Variants in COL19A1 observed in about 807,000 individuals in gnomAD.
COL19A1 encodes collagen alpha-1(XIX) chain.
A neutral mutation model predicts 190.2 loss-of-function variants in COL19A1; 159 were observed. The ratio of observed to expected loss-of-function variants is 0.84; its 90% CI spans 0.73 to 0.95. COL19A1 has a LOEUF of 0.95. Among genes scored for constraint, COL19A1 ranks in the 40% least tolerant of loss-of-function variants. COL19A1 has a pLI of 0.00. For missense variants in COL19A1, 1,418 were observed against 1,431.9 expected, an observed-to-expected ratio of 0.99 and a Z score of 0.16; for synonymous variants, 509 against 458.9, an observed-to-expected ratio of 1.11 and a Z score of -1.39.
intron 16 of COL19A1, among the ~76,000 whole-genome samples, chr6:70,108,981 T>G (rs940819245): frequency 6.6e-6 from 1 of 152,160 alleles, no homozygotes; most frequent in African/African-American, 2.4e-5. Context: ...TTATGGCCTA[T>G]CTACTATGTG....
chr6:69,929,346 C>T (rs2039484620), intron 5 of COL19A1, 79 bp from the exon 6 acceptor site: 3 of 1,401,486 alleles, frequency 2.1e-6, no homozygotes, highest in Admixed American at 2.1e-5. Flanking sequence ...TAATATGCAT[C>T]TTGAGCTTTT....
At chr6:70,176,260 A>G (rs551713067) in intron 41 of COL19A1, among the ~76,000 whole-genome samples, 1 of 152,176 alleles carries the variant, frequency 6.6e-6, no homozygotes, top group Non-Finnish European at 1.5e-5. Flanking sequence ...CACAGAAATG[A>G]TTATGCTTGC....
At chr6:69,944,620 C>T (rs1178578408) in intron 9 of COL19A1, among the ~76,000 whole-genome samples, 1 of 152,046 alleles carries the variant, frequency 6.6e-6, no homozygotes, top group Non-Finnish European at 1.5e-5. Context: ...GGTAATGAAG[C>T]ATCAAAAATA....
chr6:69,934,711 G>GA (rs1215191739), intron 7 of COL19A1, among the ~76,000 whole-genome samples: 6 of 151,728 alleles, frequency 4.0e-5, no homozygotes, highest in Non-Finnish European at 7.4e-5. Context: ...TCTGACTATG[G>GA]AAAAAATAAG....
chr6:70,160,100 G>A (rs191898320), intron 34 of COL19A1, among the ~76,000 whole-genome samples: 234 of 152,188 alleles, frequency 1.5e-3, no homozygotes, highest in African/African-American at 5.4e-3. Flanking sequence ...AACTCTATTA[G>A]TCCATTTTCA....
chr6:69,963,121 G>A (rs1256027845), intron 11 of COL19A1, among the ~76,000 whole-genome samples: 1 of 152,066 alleles, frequency 6.6e-6, no homozygotes, highest in Non-Finnish European at 1.5e-5. Context: ...ACATGGAAAT[G>A]ATTTAAACAT....
At chr6:70,051,660 A>C (rs140944209) in intron 14 of COL19A1, among the ~76,000 whole-genome samples, 49 of 152,222 alleles carry the variant, frequency 3.2e-4, no homozygotes, top group Non-Finnish European at 6.3e-4. Flanking sequence ...CCCAGAACAA[A>C]AGGGTGGTTA....
intron 11 of COL19A1, among the ~76,000 whole-genome samples, chr6:69,980,108 A>T (rs1344617016): frequency 2.0e-5 from 3 of 152,022 alleles, no homozygotes; most frequent in Non-Finnish European, 4.4e-5. Flanking sequence ...AATAGTCAAA[A>T]ATTTTTTGAG....
intron 18 of COL19A1, among the ~76,000 whole-genome samples, chr6:70,135,715 A>C (rs1052719096): frequency 5.3e-5 from 8 of 152,150 alleles, no homozygotes; most frequent in Non-Finnish European, 1.0e-4. Flanking sequence ...GGCAAGTTTT[A>C]AGGGATCAGA....
intron 2 of COL19A1, among the ~76,000 whole-genome samples, chr6:69,895,279 G>A (rs934724635): frequency 3.9e-5 from 6 of 152,186 alleles, no homozygotes; most frequent in African/African-American, 7.2e-5. Flanking sequence ...GGGTGGTGGG[G>A]TGGTTTCCCA....
Position 70,168,031 on chromosome 6 carries a change from C to G in COL19A1, c.2452C>G (p.Pro818Ala). The G allele has an allele frequency of 6.3e-7, 1 of 1,591,988 alleles. No individual in the cohort carries two copies. Residue 818 changes from proline to alanine, a missense_variant, in exon 38 of 51, where the codon CCA becomes GCA. Pro to Ala is a conservative substitution (Grantham distance 27, BLOSUM62 -1). Transcript: ENST00000620364. ...ATCTCACCTCTTTCCTAAGGGTATT[C>G]CATTTAATGAACGAAACGGCATGAG... ...KPGPPGPPGI[P>A]FNERNGMSSL...
At chr6:70,111,238 T>G (rs574707335) in intron 16 of COL19A1, among the ~76,000 whole-genome samples, 22 of 152,304 alleles carry the variant, frequency 1.4e-4, no homozygotes, top group Non-Finnish European at 1.9e-4. Flanking sequence ...TCAGCTCAAT[T>G]TTTGCAGTCA....
intron 14 of COL19A1, among the ~76,000 whole-genome samples, chr6:70,063,033 G>C (rs906723088): frequency 1.3e-5 from 2 of 152,110 alleles, no homozygotes; most frequent in Non-Finnish European, 2.9e-5. Flanking sequence ...GTAATAATGG[G>C]AGACTTTAAC....
At position 70,131,155 on chromosome 6, in the gene COL19A1, T is replaced by C. The variant is rs1035930332; in HGVS notation, c.1383+932T>C. ...AATTGTAATGACCTTGGATTCCATGTGAATGTGCCATTGTCAGAAAAAAAA... is the reference window on the plus strand; with the variant it reads ...AATTGTAATGACCTTGGATTCCATGCGAATGTGCCATTGTCAGAAAAAAAA... On this transcript the variant is annotated intron_variant, in intron 18 of 50. Coordinates refer to ENST00000620364, the MANE Select transcript of COL19A1 (RefSeq NM_001858.6). 9.0e-6 allele frequency: 3 copies of C among 333,478 alleles called. No homozygotes were observed. The Admixed American group carries it at 1.1e-4, about 12-fold the overall frequency. 20.7% of individuals were successfully genotyped at this position (333,478 alleles called of 1,614,324 possible).
intron 14 of COL19A1, among the ~76,000 whole-genome samples, chr6:70,039,775 T>C (rs2150121848): frequency 6.8e-6 from 1 of 146,802 alleles, no homozygotes; most frequent in South Asian, 2.2e-4. Flanking sequence ...TTTTTTTTTT[T>C]CTTTTGAGAC....
At chr6:70,138,278 T>A (rs1008898489) in intron 19 of COL19A1, among the ~76,000 whole-genome samples, 2 of 152,176 alleles carry the variant, frequency 1.3e-5, no homozygotes, top group Non-Finnish European at 2.9e-5. Flanking sequence ...TCAAAGTGGC[T>A]TCCCAACCAC....
At chr6:70,156,478 ATG>A in intron 33 of COL19A1, 109 bp downstream of exon 33, 35 of 952,788 alleles carry the variant, frequency 3.7e-5, no homozygotes, top group South Asian at 4.9e-5. Flanking sequence ...ATATATATAT[ATG>A]TATGTATGTA....
At chr6:70,161,003 C>CTAATCT (rs1787764086) in intron 34 of COL19A1, among the ~76,000 whole-genome samples, 1 of 152,052 alleles carries the variant, frequency 6.6e-6, no homozygotes, top group Admixed American at 6.6e-5. Flanking sequence ...AGTAACAAAA[C>CTAATCT]TAATTACATA....
At position 70,055,769 on chromosome 6, in the gene COL19A1, A is replaced by G. The variant is rs529801643; in HGVS notation, c.1171-12654A>G. On this transcript the variant is annotated intron_variant, in intron 14 of 50. Coordinates refer to ENST00000620364, the MANE Select transcript of COL19A1 (RefSeq NM_001858.6). ...TGCACTCCAGCCTGGGAGACAGAGC[A>G]AAACTCTGTATTAAAAAAAAAAAAA... Among the ~76,000 whole-genome samples the G allele has an allele frequency of 3.4e-4, 47 of 138,906 alleles. 1 individual carries two copies. In the South Asian group the frequency reaches 7.3e-3, roughly 22 times the overall value. 91.1% of individuals were successfully genotyped at this position (138,906 alleles called of 152,430 possible). A position where few individuals can be genotyped will look rare whatever the true frequency, so the allele number is the denominator to read the frequency against.
Sources: allele counts gnomAD v4.1 joint callset (sites outside exome capture counted in the v4.1 genomes callset), GRCh38; gene constraint gnomAD v4.1.1; transcripts MANE v1.5; gene names NCBI Gene and HGNC (gene_info 2026-07-23, HGNC 2026-07-21).